PTPRD: variants seen among roughly 807,000 people sequenced by gnomAD.
PTPRD encodes the protein receptor-type tyrosine-protein phosphatase delta.
PTPRD carries 34 observed loss-of-function variants against 214.5 expected under a neutral mutation model. The ratio of observed to expected loss-of-function variants is 0.16; its 90% CI spans 0.12 to 0.21. PTPRD has a LOEUF of 0.21. Ranked by LOEUF, PTPRD falls within the 10% of genes least tolerant of loss-of-function variation. The pLI, the probability that PTPRD is intolerant of heterozygous loss-of-function variation, is 1.00. For missense variants in PTPRD, 2,545 were observed against 2,398.7 expected, an observed-to-expected ratio of 1.06 and a Z score of -1.27; for synonymous variants, 1,128 against 845.7, an observed-to-expected ratio of 1.33 and a Z score of -5.79.
At chr9:9,734,133 C>T (rs147512718) in intron 7 of PTPRD, among the ~76,000 whole-genome samples, 1 of 152,218 alleles carries the variant, frequency 6.6e-6, no homozygotes, top group African/African-American at 2.4e-5. Flanking sequence ...TTTAAACACC[C>T]AATTTTTGTG....
Position 8,997,077 on chromosome 9 carries a change from GTTTC to G in PTPRD, c.-104+21616_-104+21619del, listed in dbSNP as rs145141636. Among the ~76,000 whole-genome samples, 1,234 of 151,972 alleles carry G rather than the reference GTTTC, an allele frequency of 8.1e-3. 17 individuals are homozygous for G. The highest frequency in any genetic ancestry group is 0.028 in the African/African-American group (1,168 of 41,486). ...GCACTAGAGTCTCATTTCTTTCCTTGTTTCTTTATTTGTGAAAAAGCTCAATGGC... is the reference window on the plus strand; with the variant it reads ...GCACTAGAGTCTCATTTCTTTCCTTGTTTATTTGTGAAAAAGCTCAATGGC... On this transcript the variant is annotated intron_variant, in intron 11 of 45. Coordinates refer to ENST00000381196, the MANE Select transcript of PTPRD (RefSeq NM_002839.4).
intron 11 of PTPRD, among the ~76,000 whole-genome samples, chr9:8,828,133 G>A (rs2097211543): frequency 6.6e-6 from 1 of 152,198 alleles, no homozygotes; most frequent in Non-Finnish European, 1.5e-5. Flanking sequence ...CACAGAGCTT[G>A]ATGGAAAGAG....
chr9:9,845,290 G>A (rs1013843488), intron 5 of PTPRD, among the ~76,000 whole-genome samples: 2 of 145,764 alleles, frequency 1.4e-5, no homozygotes, highest in South Asian at 2.2e-4. Context: ...AAAGAGAAAA[G>A]AGAGAAAGGG....
chr9:10,512,449 G>A (rs142863429), intron 2 of PTPRD, among the ~76,000 whole-genome samples: 113 of 152,220 alleles, frequency 7.4e-4, no homozygotes, highest in Middle Eastern at 3.4e-3. Flanking sequence ...CGGAGGAAAG[G>A]CTTGAAGATG....
rs990823170 is a variant in PTPRD, at chr9:9,520,261, AAAGTTATATATATATATATATT to A, written c.-237+54449_-237+54470del. On this transcript the variant is annotated intron_variant, in intron 8 of 45. Transcript: ENST00000381196. ...ATTTAAATGTAAAAATAGACTCCTA[AAAGTTATATATATATATATATT>A]AAGTTATATATATATATTAAGTTAT... Among the ~76,000 whole-genome samples, 58 of 147,586 alleles carry A rather than the reference AAAGTTATATATATATATATATT, an allele frequency of 3.9e-4. No homozygotes were observed. In the East Asian group the frequency reaches 9.2e-3, roughly 23 times the overall value.
At position 9,570,107 on chromosome 9, in the gene PTPRD, A is replaced by C. The variant is rs1035165485; in HGVS notation, c.-237+4625T>G. ...CAATTCATTATTGAATAGGAAGCAA[A>C]AATTTCCAGAAAGTATTTGTGCATG... is the stretch of plus-strand genomic sequence containing the variant. On this transcript the variant is annotated intron_variant, in intron 8 of 45. Coordinates refer to ENST00000381196, the MANE Select transcript of PTPRD (RefSeq NM_002839.4). Among the ~76,000 whole-genome samples, 8 of 151,466 alleles carry C rather than the reference A, an allele frequency of 5.3e-5. No individual in the cohort carries two copies. The Admixed American group carries it at 5.3e-4, about 10-fold the overall frequency.
chr9:10,208,281 G>T (rs749165964), intron 3 of PTPRD, among the ~76,000 whole-genome samples: 1 of 152,206 alleles, frequency 6.6e-6, no homozygotes, highest in African/African-American at 2.4e-5. Flanking sequence ...TTGGGTGGCC[G>T]AGGAGGGCGG....
chr9:8,597,634 T>C (rs1453328555), intron 14 of PTPRD, among the ~76,000 whole-genome samples: 1 of 152,300 alleles, frequency 6.6e-6, no homozygotes, highest in East Asian at 1.9e-4. Context: ...CTGAACACTT[T>C]TTGTTGGGCT....
Position 8,315,939 on chromosome 9 carries a change from C to CATAT in PTPRD, c.*1931_*1934dup, listed in dbSNP as rs4008232. 11 of 223,240 alleles carry CATAT rather than the reference C, an allele frequency of 4.9e-5. No homozygotes were observed. The highest frequency in any genetic ancestry group is 2.0e-4 in the African/African-American group (9 of 44,620). 13.8% of individuals were successfully genotyped at this position (223,240 alleles called of 1,614,324 possible). A position where few individuals can be genotyped will look rare whatever the true frequency, so the allele number is the denominator to read the frequency against. On this transcript the variant is annotated 3_prime_UTR_variant, in exon 46 of 46. Coordinates refer to ENST00000381196, the MANE Select transcript of PTPRD (RefSeq NM_002839.4). ...TGTTGGAAGAATTGGGGGTAAGATACATATATATATATAGTTTATTTCCCC... is the reference window on the plus strand; with the variant it reads ...TGTTGGAAGAATTGGGGGTAAGATACATATATATATATATATAGTTTATTTCCCC...
chr9:9,571,304 G>GTC (rs905077902), intron 8 of PTPRD, among the ~76,000 whole-genome samples: 1 of 150,976 alleles, frequency 6.6e-6, no homozygotes, highest in African/African-American at 2.4e-5. Context: ...AGATATGTAT[G>GTC]TCTCTCTCTC....
intron 7 of PTPRD, among the ~76,000 whole-genome samples, chr9:9,686,035 G>A (rs1042442538): frequency 2.6e-5 from 4 of 151,294 alleles, no homozygotes; most frequent in Non-Finnish European, 5.9e-5. Flanking sequence ...GGTGTTTTCA[G>A]GAGAGCATAA....
chr9:9,697,521 C>T (rs190030573), intron 7 of PTPRD, among the ~76,000 whole-genome samples: 2 of 152,022 alleles, frequency 1.3e-5, no homozygotes, highest in Admixed American at 6.5e-5. Flanking sequence ...TTCTACTGGC[C>T]TATATATTTT....
At chr9:9,892,028 C>A (rs2073502074) in intron 5 of PTPRD, among the ~76,000 whole-genome samples, 2 of 152,078 alleles carry the variant, frequency 1.3e-5, no homozygotes, top group South Asian at 4.1e-4. Flanking sequence ...GTTGAGAAGT[C>A]ACTAAACTAA....
At chr9:9,785,247 A>T (rs1390409471) in intron 5 of PTPRD, among the ~76,000 whole-genome samples, 1 of 152,058 alleles carries the variant, frequency 6.6e-6, no homozygotes, top group Non-Finnish European at 1.5e-5. Context: ...TAATTATTGC[A>T]GGCAAGATTC....
chr9:9,107,046 T>C (rs1006101292), intron 10 of PTPRD, among the ~76,000 whole-genome samples: 4 of 152,290 alleles, frequency 2.6e-5, no homozygotes, highest in Non-Finnish European at 4.4e-5. Flanking sequence ...TTAAGATTTT[T>C]ATGTCTGATT....
chr9:9,372,833 G>T (rs780175233), intron 9 of PTPRD, among the ~76,000 whole-genome samples: 5 of 152,010 alleles, frequency 3.3e-5, no homozygotes, highest in Non-Finnish European at 5.9e-5. Flanking sequence ...CTCAGCATTT[G>T]CTTGTTTGTA....
chr9:10,269,419 T>A (rs1412961902), intron 3 of PTPRD, among the ~76,000 whole-genome samples: 2 of 152,204 alleles, frequency 1.3e-5, no homozygotes, highest in South Asian at 2.1e-4. Context: ...ATGTGTAAGT[T>A]TTAAACAGTA....
At chr9:10,228,317 T>C (rs1284318879) in intron 3 of PTPRD, among the ~76,000 whole-genome samples, 1 of 152,028 alleles carries the variant, frequency 6.6e-6, no homozygotes, top group Non-Finnish European at 1.5e-5. Flanking sequence ...TTTGCTTAAG[T>C]CAACTAGAAA....
At chr9:9,480,327 A>G (rs1268718842) in intron 8 of PTPRD, among the ~76,000 whole-genome samples, 1 of 152,182 alleles carries the variant, frequency 6.6e-6, no homozygotes, top group Non-Finnish European at 1.5e-5. Flanking sequence ...CACAAGGGAG[A>G]AAAGGCAGAA....
Sources: gnomAD v4.1 joint callset for allele counts (sites outside exome capture counted in the v4.1 genomes callset) on GRCh38, gnomAD v4.1.1 for gene constraint, MANE v1.5 for transcripts, NCBI Gene and HGNC (gene_info 2026-07-23, HGNC 2026-07-21) for gene names.